Variants in IMMP2L observed in about 807,000 individuals in gnomAD.
The protein encoded by IMMP2L is inner mitochondrial membrane peptidase subunit 2, also known as mitochondrial inner membrane protease subunit 2.
In IMMP2L, 18 loss-of-function variants were observed where a neutral mutation model predicts 19.3. The observed-to-expected ratio is 0.93, with a 90% CI of 0.64 to 1.38. The LOEUF is 1.38. Among genes scored for constraint, IMMP2L ranks in the 40% most tolerant of loss-of-function variants. IMMP2L has a pLI of 0.00. For synonymous variants in IMMP2L, 76 were observed against 73.0 expected (o/e 1.04, Z -0.21); for missense variants, 233 against 218.2 (o/e 1.07, Z -0.43).
intron 3 of IMMP2L, chr7:111,392,048 G>C (rs1052399772): frequency 1.4e-6 from 1 of 698,646 alleles, no homozygotes; most frequent in African/African-American, 1.8e-5. Context: ...TTCATTACCA[G>C]CTTGATTGCA....
At chr7:110,664,803 C>T (rs984697374) in intron 5 of IMMP2L, 1 of 152,152 alleles carries the variant, frequency 6.6e-6, no homozygotes, top group African/African-American at 2.4e-5. Flanking sequence ...TAAAGTAATA[C>T]TATATGTCCA....
intron 3 of IMMP2L, among the ~76,000 whole-genome samples, chr7:111,140,531 A>G (rs1175044255): frequency 6.6e-6 from 1 of 152,188 alleles, no homozygotes; most frequent in Non-Finnish European, 1.5e-5. Context: ...TATCATATTC[A>G]CTGTTGAATA....
At chr7:110,979,596 A>G (rs1319249587) in intron 3 of IMMP2L, among the ~76,000 whole-genome samples, 3 of 152,158 alleles carry the variant, frequency 2.0e-5, no homozygotes, top group Non-Finnish European at 4.4e-5. Context: ...ACATGTATAC[A>G]TATGTAACCA....
At chr7:110,963,407 C>A (rs968537282) in intron 4 of IMMP2L, 93 bp downstream of exon 4, 3 of 848,852 alleles carry the variant, frequency 3.5e-6, no homozygotes, top group African/African-American at 1.7e-5. Context: ...AAACTTTGGC[C>A]CTCATGGACT....
intron 4 of IMMP2L, among the ~76,000 whole-genome samples, chr7:110,940,540 T>C (rs187046208): frequency 1.4e-4 from 21 of 152,190 alleles, no homozygotes; most frequent in African/African-American, 4.6e-4. Flanking sequence ...CATTGGCACA[T>C]CAAGATAGAC....
chr7:111,294,515 C>T (rs187311327), intron 3 of IMMP2L, among the ~76,000 whole-genome samples: 2 of 151,772 alleles, frequency 1.3e-5, no homozygotes, highest in Admixed American at 1.3e-4. Context: ...ATTCTTTTTC[C>T]GTGTTTTAAT....
At chr7:111,363,281 A>T (rs555950639) in intron 3 of IMMP2L, among the ~76,000 whole-genome samples, 17 of 152,240 alleles carry the variant, frequency 1.1e-4, no homozygotes, top group Admixed American at 7.9e-4. Flanking sequence ...CCCTGTTAGA[A>T]ATGTGGAATT....
chr7:111,166,264 A>T (rs186467188), intron 3 of IMMP2L, among the ~76,000 whole-genome samples: 44 of 152,148 alleles, frequency 2.9e-4, no homozygotes, highest in Admixed American at 4.6e-4. Context: ...CTCTACATAG[A>T]TTTAAATTCT....
intron 3 of IMMP2L, among the ~76,000 whole-genome samples, chr7:111,394,312 T>C (rs1832666484): frequency 6.6e-6 from 1 of 152,164 alleles, no homozygotes; most frequent in Non-Finnish European, 1.5e-5. Context: ...GCATTTAGCA[T>C]TAAATGTAGT....
intron 5 of IMMP2L, among the ~76,000 whole-genome samples, chr7:110,794,273 AT>A (rs1252350966): frequency 6.6e-6 from 1 of 152,120 alleles, no homozygotes; most frequent in Admixed American, 6.6e-5. Context: ...AGATGAATAG[AT>A]TTAGTAAACT....
chr7:110,714,246 A>G (rs1475186144), intron 5 of IMMP2L, among the ~76,000 whole-genome samples: 1 of 152,154 alleles, frequency 6.6e-6, no homozygotes, highest in African/African-American at 2.4e-5. Flanking sequence ...GCGTATGTTG[A>G]ACCAAACTTG....
chr7:110,770,721 G>T (rs552174267), intron 5 of IMMP2L, among the ~76,000 whole-genome samples: 2 of 152,196 alleles, frequency 1.3e-5, no homozygotes, highest in African/African-American at 2.4e-5. Context: ...GATGTACACA[G>T]AAAAGCAAGT....
chr7:110,997,353 G>C (rs978841700), intron 3 of IMMP2L, among the ~76,000 whole-genome samples: 4 of 151,994 alleles, frequency 2.6e-5, no homozygotes, highest in Non-Finnish European at 5.9e-5. Flanking sequence ...AGATGCTGTA[G>C]ACATCAATAT....
chr7:111,399,506 C>T (rs548247668), intron 3 of IMMP2L, among the ~76,000 whole-genome samples: 3 of 151,930 alleles, frequency 2.0e-5, no homozygotes, highest in Non-Finnish European at 4.4e-5. Context: ...AGGCATGCAC[C>T]ACCATGCCTG....
intron 1 of IMMP2L, among the ~76,000 whole-genome samples, chr7:111,551,270 T>C (rs1009555585): frequency 3.3e-5 from 5 of 152,086 alleles, no homozygotes; most frequent in Admixed American, 2.6e-4. Context: ...TGGAAAAAAG[T>C]ACAAATATTA....
intron 5 of IMMP2L, among the ~76,000 whole-genome samples, chr7:110,672,785 C>T (rs560423442): frequency 5.9e-5 from 9 of 152,284 alleles, no homozygotes; most frequent in Admixed American, 1.3e-4. Context: ...ATCCAGGTCA[C>T]GCTGATGCAA....
At chr7:111,049,367 G>A (rs1792786886) in intron 3 of IMMP2L, among the ~76,000 whole-genome samples, 1 of 152,030 alleles carries the variant, frequency 6.6e-6, no homozygotes, top group South Asian at 2.1e-4. Context: ...TCCTGACCTC[G>A]TGATCCACCC....
intron 3 of IMMP2L, among the ~76,000 whole-genome samples, chr7:111,392,354 T>C (rs946641786): frequency 6.6e-6 from 1 of 152,184 alleles, no homozygotes; most frequent in African/African-American, 2.4e-5. Context: ...CAAGAATTTA[T>C]AGATTTAGAT....
intron 3 of IMMP2L, among the ~76,000 whole-genome samples, chr7:111,061,938 T>C (rs1346639712): frequency 6.6e-6 from 1 of 152,178 alleles, no homozygotes; most frequent in Non-Finnish European, 1.5e-5. Flanking sequence ...GAAATATTAT[T>C]CCTTCTTTAC....
Sources: gnomAD v4.1 joint callset for allele counts (sites outside exome capture counted in the v4.1 genomes callset) on GRCh38, gnomAD v4.1.1 for gene constraint, MANE v1.5 for transcripts, NCBI Gene and HGNC (gene_info 2026-07-23, HGNC 2026-07-21) for gene names.